Variants in CALN1 observed in about 807,000 individuals in gnomAD.
CALN1 encodes the protein calneuron 1.
Under a neutral mutation model 30.6 loss-of-function variants are expected in CALN1, and 17 were observed. That is an observed-to-expected ratio of 0.56 (90% CI 0.38 to 0.83). The LOEUF is 0.83. CALN1 is among the 40% of genes least tolerant of loss of function. CALN1 has a pLI of 0.00. For missense variants in CALN1, 291 were observed against 354.9 expected (o/e 0.82, Z 1.45); for synonymous variants, 156 against 131.4 (o/e 1.19, Z -1.28).
chr7:72,182,162 T>C (rs1407203285), intron 3 of CALN1, among the ~76,000 whole-genome samples: 1 of 152,148 alleles, frequency 6.6e-6, no homozygotes, highest in Non-Finnish European at 1.5e-5. Flanking sequence ...CTGGTCTCAG[T>C]GTATCTCAAT....
intron 5 of CALN1, among the ~76,000 whole-genome samples, chr7:71,890,712 T>C (rs1330168029): frequency 6.6e-6 from 1 of 151,942 alleles, no homozygotes; most frequent in East Asian, 1.9e-4. Context: ...TGTTTTAACA[T>C]TGTTAAGGTC....
intron 3 of CALN1, among the ~76,000 whole-genome samples, chr7:72,236,194 G>A (rs1324678681): frequency 1.3e-5 from 2 of 152,012 alleles, no homozygotes; most frequent in East Asian, 3.9e-4. Flanking sequence ...TTGGGATAGT[G>A]ACCATCCCAA....
At chr7:72,289,545 T>C (rs954482859) in intron 2 of CALN1, among the ~76,000 whole-genome samples, 3 of 152,060 alleles carry the variant, frequency 2.0e-5, no homozygotes, top group Non-Finnish European at 2.9e-5. Flanking sequence ...ATGGTGAAAA[T>C]ATTCCCAACA....
intron 5 of CALN1, among the ~76,000 whole-genome samples, chr7:72,005,359 C>T (rs951980822): frequency 3.3e-5 from 5 of 152,138 alleles, no homozygotes; most frequent in Admixed American, 6.5e-5. Context: ...GACAGGGTCT[C>T]GCTCTTTCAC....
At chr7:72,259,487 C>T (rs778673639) in intron 3 of CALN1, among the ~76,000 whole-genome samples, 1 of 152,092 alleles carries the variant, frequency 6.6e-6, no homozygotes, top group Non-Finnish European at 1.5e-5. Context: ...CCCCCACATC[C>T]ATATCTCATC....
chr7:72,110,655 AC>A (rs1469970615), intron 3 of CALN1, among the ~76,000 whole-genome samples: 18 of 131,940 alleles, frequency 1.4e-4, no homozygotes, highest in African/African-American at 5.2e-4. Context: ...AACCTCACTA[AC>A]TTTTTTTTTT....
At chr7:71,898,018 G>GGA (rs1178513997) in intron 5 of CALN1, among the ~76,000 whole-genome samples, 291 of 80,834 alleles carry the variant, frequency 3.6e-3, no homozygotes, top group African/African-American at 8.5e-3. Context: ...GGAGGGGGGG[G>GGA]GAGAGAGAGA....
chr7:72,098,387 T>C (rs549974220), intron 4 of CALN1, among the ~76,000 whole-genome samples: 1 of 152,024 alleles, frequency 6.6e-6, no homozygotes, highest in East Asian at 1.9e-4. Context: ...GGGCAGAAGT[T>C]TGGGCTTTTT....
At chr7:72,336,760 G>A (rs1016968661) in intron 2 of CALN1, 5 of 985,146 alleles carry the variant, frequency 5.1e-6, no homozygotes, top group Non-Finnish European at 6.0e-6. Flanking sequence ...GCACAGCGCG[G>A]GGGGCTTCCT....
intron 6 of CALN1, among the ~76,000 whole-genome samples, chr7:71,795,965 C>A (rs964141591): frequency 1.7e-4 from 26 of 151,292 alleles, no homozygotes; most frequent in African/African-American, 6.1e-4. Context: ...ACTACAGGCA[C>A]CCGCCACCAC....
At chr7:72,449,614 T>A (rs1254429708), upstream of CALN1, among the ~76,000 whole-genome samples, 1 of 152,164 alleles carries the variant, frequency 6.6e-6, no homozygotes, top group Non-Finnish European at 1.5e-5. Flanking sequence ...GGCTCATGCC[T>A]GTAATCCCAA....
In CALN1 at chr7:72,336,601, G is replaced by A. The variant is rs189324833; in HGVS notation, c.120-57791C>T. Reference sequence around the variant, plus strand: ...GCCCACTCTGAGCACCAGGGCCCGCGACAGCCCGGGGGTTTGGACACCCTA... The same window carrying A: ...GCCCACTCTGAGCACCAGGGCCCGCAACAGCCCGGGGGTTTGGACACCCTA... On this transcript the variant is annotated intron_variant, in intron 2 of 6. Coordinates refer to ENST00000395275, the MANE Select transcript of CALN1 (RefSeq NM_031468.4). 1,641 of 804,098 alleles carry A rather than the reference G, an allele frequency of 2.0e-3. 22 individuals carry two copies. The African/African-American group carries it at 0.027, about 13-fold the overall frequency. The allele number at this position is 804,098 out of a possible 1,614,324, so 49.8% of individuals were successfully genotyped here. A position where few individuals can be genotyped will look rare whatever the true frequency, so the allele number is the denominator to read the frequency against.
chr7:72,121,053 ATATTATC>A (rs1808338559), intron 3 of CALN1, among the ~76,000 whole-genome samples: 1 of 148,184 alleles, frequency 6.7e-6, no homozygotes, highest in African/African-American at 2.5e-5. Flanking sequence ...TATTATATAC[ATATTATC>A]TATTATATAT....
chr7:72,227,000 C>T (rs754201703), intron 3 of CALN1, among the ~76,000 whole-genome samples: 1 of 152,126 alleles, frequency 6.6e-6, no homozygotes, highest in Non-Finnish European at 1.5e-5. Context: ...TACACCACTG[C>T]ACTCCAGCCT....
chr7:71,869,477 G>A (rs1032639298), intron 5 of CALN1, among the ~76,000 whole-genome samples: 1 of 152,174 alleles, frequency 6.6e-6, no homozygotes, highest in Non-Finnish European at 1.5e-5. Context: ...CTCCCAAAGT[G>A]TTGGGATTAC....
At chr7:72,314,740 C>T (rs1292119455) in intron 2 of CALN1, among the ~76,000 whole-genome samples, 1 of 150,936 alleles carries the variant, frequency 6.6e-6, no homozygotes, top group Non-Finnish European at 1.5e-5. Flanking sequence ...TAAAAGAACG[C>T]AGAGGTAAGT....
At chr7:72,201,968 T>C (rs1462483126) in intron 3 of CALN1, among the ~76,000 whole-genome samples, 3 of 152,086 alleles carry the variant, frequency 2.0e-5, no homozygotes, top group Non-Finnish European at 4.4e-5. Context: ...GAAACTGACA[T>C]GGAGATGCGT....
intron 5 of CALN1, among the ~76,000 whole-genome samples, chr7:71,924,393 A>G (rs2129518846): frequency 6.6e-6 from 1 of 151,908 alleles, no homozygotes; most frequent in African/African-American, 2.4e-5. Context: ...TAACCTTTAC[A>G]TTTTTAATAT....
At chr7:72,497,139 T>C in the CALN1 span, among the ~76,000 whole-genome samples, 1 of 152,072 alleles carries the variant, frequency 6.6e-6, no homozygotes, top group South Asian at 2.1e-4. Flanking sequence ...CTCAGTGCTA[T>C]TAATAGAATG....
Sources: gnomAD v4.1 joint callset for allele counts (sites outside exome capture counted in the v4.1 genomes callset) on GRCh38, gnomAD v4.1.1 for gene constraint, MANE v1.5 for transcripts, NCBI Gene and HGNC (gene_info 2026-07-23, HGNC 2026-07-21) for gene names.